Variants in ACYP2 observed in about 807,000 individuals in gnomAD.
The protein encoded by ACYP2 is acylphosphatase 2, also known as acylphosphatase-2.
ACYP2 carries 12 observed loss-of-function variants against 11.2 expected under a neutral mutation model. That is an observed-to-expected ratio of 1.08 (90% CI 0.69 to 1.74). The LOEUF is 1.74. Among genes scored for constraint, ACYP2 ranks in the 40% most tolerant of loss-of-function variants. ACYP2 has a pLI of 0.00. For synonymous variants in ACYP2, 43 were observed against 32.2 expected, an observed-to-expected ratio of 1.33 and a Z score of -1.13; for missense variants, 134 against 101.9, an observed-to-expected ratio of 1.31 and a Z score of -1.35.
intron 6 of ACYP2, among the ~76,000 whole-genome samples, chr2:54,197,725 A>C (rs1684550889): frequency 6.6e-6 from 1 of 152,088 alleles, no homozygotes; most frequent in Admixed American, 6.6e-5. Flanking sequence ...TTGAGGAATA[A>C]GTAGAAGGCT....
At chr2:54,094,745 C>G (rs1372690092) in intron 4 of ACYP2, among the ~76,000 whole-genome samples, 1 of 151,926 alleles carries the variant, frequency 6.6e-6, no homozygotes, top group African/African-American at 2.4e-5. Flanking sequence ...ACCACGTTGG[C>G]CTGACTGGTC....
chr2:54,151,095 A>G lies in ACYP2; in HGVS notation c.404+12347A>G, dbSNP rs561759070. Reference sequence around the variant, plus strand: ...TTGCGCATGTACTTAAAATGTGTTCATAGTTCAAGAGTTAGAATTAGAATA... The same window carrying G: ...TTGCGCATGTACTTAAAATGTGTTCGTAGTTCAAGAGTTAGAATTAGAATA... On this transcript the variant is annotated intron_variant, in intron 6 of 6. Transcript: ENST00000607452. Among the ~76,000 whole-genome samples, 3 of 152,306 alleles carry G rather than the reference A, an allele frequency of 2.0e-5. No homozygotes were observed. In the South Asian group the frequency reaches 6.2e-4, roughly 32 times the overall value.
At chr2:54,068,509 TAAG>T (rs1263683019) in intron 4 of ACYP2, among the ~76,000 whole-genome samples, 1 of 152,188 alleles carries the variant, frequency 6.6e-6, no homozygotes, top group Non-Finnish European at 1.5e-5. Context: ...TCATGTGGAT[TAAG>T]AAGAAACAGG....
intron 4 of ACYP2, among the ~76,000 whole-genome samples, chr2:54,093,081 C>A (rs1185201693): frequency 6.6e-6 from 1 of 152,178 alleles, no homozygotes; most frequent in African/African-American, 2.4e-5. Context: ...CAGCTCAATT[C>A]TGCTGCCTTC....
chr2:54,047,468 G>C (rs1675584517), intron 2 of ACYP2, among the ~76,000 whole-genome samples: 1 of 152,134 alleles, frequency 6.6e-6, no homozygotes, highest in Admixed American at 6.5e-5. Flanking sequence ...TACAGTTATT[G>C]AATGCAATAT....
chr2:54,259,151 T>C (rs540674241), intron 6 of ACYP2, among the ~76,000 whole-genome samples: 1 of 152,174 alleles, frequency 6.6e-6, no homozygotes, highest in South Asian at 2.1e-4. Flanking sequence ...TAGGATGGAG[T>C]TACTGGAAGC....
intron 6 of ACYP2, among the ~76,000 whole-genome samples, chr2:54,272,788 A>AGAAT (rs962553973): frequency 1.3e-5 from 2 of 152,232 alleles, no homozygotes; most frequent in African/African-American, 4.8e-5. Flanking sequence ...TTGTTGATGC[A>AGAAT]GAATGAATGA....
chr2:54,256,969 C>A (rs1687569362), intron 6 of ACYP2, among the ~76,000 whole-genome samples: 2 of 152,164 alleles, frequency 1.3e-5, no homozygotes, highest in South Asian at 4.1e-4. Flanking sequence ...ACCTGGCCTA[C>A]TTTTTCACCA....
chr2:54,250,496 A>G (rs1687176002), intron 6 of ACYP2, among the ~76,000 whole-genome samples: 1 of 152,092 alleles, frequency 6.6e-6, no homozygotes, highest in Non-Finnish European at 1.5e-5. Flanking sequence ...CGTTGAAAGT[A>G]TCTTCTATCT....
At chr2:54,058,698 T>C (rs1676296651) in intron 4 of ACYP2, among the ~76,000 whole-genome samples, 1 of 148,558 alleles carries the variant, frequency 6.7e-6, no homozygotes, top group Non-Finnish European at 1.5e-5. Context: ...GAGAGGGGCT[T>C]CTGGCTGATA....
At chr2:54,292,279 C>G (rs987623354) in intron 6 of ACYP2, among the ~76,000 whole-genome samples, 1 of 151,880 alleles carries the variant, frequency 6.6e-6, no homozygotes, top group African/African-American at 2.4e-5. Context: ...TGCCCTAAAG[C>G]TACATTGTCT....
At position 53,971,145 on chromosome 2, in the gene ACYP2, C is replaced by T. The variant is rs564239449; in HGVS notation, c.-213C>T. ...GCAGCTGGAGCCCAACGGGCTGCGC[C>T]TTCTTCGCCGTGGGCCCGGCTCGGA... is the stretch of plus-strand genomic sequence containing the variant. On this transcript the variant is annotated 5_prime_UTR_variant, in exon 1 of 7. Transcript: ENST00000607452. The T allele has an allele frequency of 2.6e-5, 5 of 195,796 alleles. No homozygotes were observed. In the South Asian group the frequency reaches 8.2e-4, roughly 32 times the overall value. 12.1% of individuals were successfully genotyped at this position (195,796 alleles called of 1,614,324 possible).
intron 2 of ACYP2, among the ~76,000 whole-genome samples, chr2:54,000,824 C>T (rs1379509230): frequency 1.3e-5 from 2 of 152,206 alleles, no homozygotes; most frequent in African/African-American, 2.4e-5. Context: ...ATATGGTCTT[C>T]TAACTTCAAA....
intron 2 of ACYP2, among the ~76,000 whole-genome samples, chr2:53,974,223 T>C (rs1023592683): frequency 6.6e-6 from 1 of 152,074 alleles, no homozygotes; most frequent in Non-Finnish European, 1.5e-5. Flanking sequence ...CATATTTAGA[T>C]ATATTTAAAT....
intron 4 of ACYP2, among the ~76,000 whole-genome samples, chr2:54,085,338 C>T (rs13408614): frequency 0.015 from 2,242 of 152,292 alleles, 63 homozygotes; most frequent in African/African-American, 0.052. Context: ...GGACTGCGGA[C>T]TGTCCGGGGC....
At chr2:54,124,977 C>A (rs1377155179) in intron 4 of ACYP2, among the ~76,000 whole-genome samples, 2 of 152,158 alleles carry the variant, frequency 1.3e-5, no homozygotes, top group African/African-American at 4.8e-5. Flanking sequence ...TGGTCTTGAA[C>A]TCTGGACTCA....
intron 4 of ACYP2, among the ~76,000 whole-genome samples, chr2:54,134,922 T>A (rs983356894): frequency 6.6e-6 from 1 of 152,236 alleles, no homozygotes; most frequent in Non-Finnish European, 1.5e-5. Flanking sequence ...TTCTTCACAG[T>A]TTCATGGACA....
chr2:54,230,913 C>T (rs535603145), intron 6 of ACYP2, among the ~76,000 whole-genome samples: 9 of 151,208 alleles, frequency 6.0e-5, no homozygotes, highest in African/African-American at 2.2e-4. Flanking sequence ...TCACTGCAAC[C>T]TCTGCCTCCC....
chr2:54,027,340 T>C (rs185102315), intron 2 of ACYP2, among the ~76,000 whole-genome samples: 57 of 152,254 alleles, frequency 3.7e-4, no homozygotes, highest in Non-Finnish European at 5.9e-4. Flanking sequence ...TTCCCTCCTT[T>C]TCCCCCAGAA....
Sources: gnomAD v4.1 joint callset for allele counts (sites outside exome capture counted in the v4.1 genomes callset) on GRCh38, gnomAD v4.1.1 for gene constraint, MANE v1.5 for transcripts, NCBI Gene and HGNC (gene_info 2026-07-23, HGNC 2026-07-21) for gene names.